ALOX5: variants seen among roughly 807,000 people sequenced by gnomAD.
The protein encoded by ALOX5 is polyunsaturated fatty acid 5-lipoxygenase.
A neutral mutation model predicts 87.9 loss-of-function variants in ALOX5; 64 were observed. The observed-to-expected ratio is 0.73, with a 90% confidence interval of 0.60 to 0.90. The LOEUF (loss-of-function observed/expected upper bound fraction) is 0.90, where lower values mean the gene tolerates loss of function less well. ALOX5 is among the 40% of genes least tolerant of loss of function. The probability of loss-of-function intolerance (pLI) is 0.00; values close to 1 mark genes in which losing one functional copy is unlikely to be tolerated. For synonymous variants in ALOX5, 388 were observed against 355.1 expected, an observed-to-expected ratio of 1.09 and a Z score of -1.04; for missense variants, 822 against 907.5, an observed-to-expected ratio of 0.91 and a Z score of 1.21.
intron 7 of ALOX5, 48 bp from the exon 8 acceptor site, chr10:45,440,378 TATAC>T: frequency 6.4e-7 from 1 of 1,574,580 alleles, no homozygotes; most frequent in African/African-American, 1.3e-5. Flanking sequence ...CTCCAACAAC[TATAC>T]TCTGAAGTGA....
intron 13 of ALOX5, 83 bp downstream of exon 13, chr10:45,444,369 C>A: frequency 1.4e-6 from 2 of 1,450,130 alleles, no homozygotes; most frequent in South Asian, 2.8e-5. Context: ...TGACTCGGGC[C>A]CCAAGGCTCA....
At chr10:45,421,697 GC>G (rs1316343133) in intron 4 of ALOX5, among the ~76,000 whole-genome samples, 1 of 152,248 alleles carries the variant, frequency 6.6e-6, no homozygotes, top group Non-Finnish European at 1.5e-5. Context: ...CTCCCTGGAA[GC>G]AAGCACCTGT....
chr10:45,398,884 G>A (rs905344741), intron 3 of ALOX5, among the ~76,000 whole-genome samples: 2 of 152,208 alleles, frequency 1.3e-5, no homozygotes, highest in Admixed American at 1.3e-4. Context: ...TGGCACAGCT[G>A]CTTGGGAAAC....
intron 6 of ALOX5, among the ~76,000 whole-genome samples, chr10:45,427,118 T>C (rs1425763650): frequency 6.6e-6 from 1 of 152,110 alleles, no homozygotes; most frequent in Non-Finnish European, 1.5e-5. Flanking sequence ...TTTCCAGAAA[T>C]ATGAAAGGGA....
intron 2 of ALOX5, among the ~76,000 whole-genome samples, chr10:45,395,461 T>TG (rs1002591559): frequency 2.1e-4 from 32 of 151,104 alleles, no homozygotes; most frequent in Admixed American, 1.1e-3. Context: ...TGTCATGGGG[T>TG]GGGGGTAAGG....
At chr10:45,388,665 A>G (rs1015990482) in intron 2 of ALOX5, among the ~76,000 whole-genome samples, 3 of 152,268 alleles carry the variant, frequency 2.0e-5, no homozygotes, top group African/African-American at 7.2e-5. Flanking sequence ...AACAGAAAGG[A>G]CATCCACACC....
intron 4 of ALOX5, among the ~76,000 whole-genome samples, chr10:45,421,868 T>C (rs7080977): frequency 0.05 from 7,621 of 152,298 alleles, 269 homozygotes; most frequent in African/African-American, 0.097. Context: ...CTGCCCAGGC[T>C]GTGCCATGGC....
chr10:45,434,033 GT>G (rs1841991609), intron 7 of ALOX5, among the ~76,000 whole-genome samples: 2 of 152,212 alleles, frequency 1.3e-5, no homozygotes, highest in South Asian at 2.1e-4. Flanking sequence ...TTACCCTCTT[GT>G]TTGTCAAGTT....
intron 3 of ALOX5, among the ~76,000 whole-genome samples, chr10:45,409,531 C>G (rs1217481350): frequency 1.3e-5 from 2 of 149,168 alleles, no homozygotes; most frequent in Non-Finnish European, 3.0e-5. Flanking sequence ...CTCTCTCTCT[C>G]TCTGTCTCTC....
intron 7 of ALOX5, among the ~76,000 whole-genome samples, chr10:45,432,434 A>G (rs2132829021): frequency 6.6e-6 from 1 of 152,252 alleles, no homozygotes; most frequent in African/African-American, 2.4e-5. Context: ...GTTACTGTTA[A>G]GCAGACACTG....
At chr10:45,417,836 A>G (rs1841350849) in intron 4 of ALOX5, among the ~76,000 whole-genome samples, 1 of 151,778 alleles carries the variant, frequency 6.6e-6, no homozygotes, top group African/African-American at 2.4e-5. Context: ...CCTTTGCCAC[A>G]CCCACCCTCC....
At chr10:45,443,638 C>T (rs1020437060) in intron 11 of ALOX5, 90 bp from the exon 12 acceptor site, 2 of 1,594,040 alleles carry the variant, frequency 1.3e-6, no homozygotes, top group Non-Finnish European at 1.7e-6. Flanking sequence ...TGCCCTCCGG[C>T]CTTGGGGCAG....
rs368879111 is a variant in ALOX5 at position 45,428,182 on chromosome 10, C to T, written c.835-436C>T. Among the ~76,000 whole-genome samples, 11 of 146,248 alleles carry T rather than the reference C, an allele frequency of 7.5e-5. No individual in the cohort carries two copies. In the East Asian group the frequency reaches 1.5e-3, roughly 20 times the overall value. On this transcript the variant is annotated intron_variant, in intron 6 of 13. Transcript: ENST00000374391. ...GACAGCCCCGCCTCGCTTCCTGTCT[C>T]TTCCTCCCAAGGGAGACCCCTGTCC...
intron 1 of ALOX5, among the ~76,000 whole-genome samples, chr10:45,381,624 A>G (rs938928969): frequency 6.6e-6 from 1 of 152,060 alleles, no homozygotes. Flanking sequence ...GCAGCTGCGG[A>G]CCCTCACTGG....
In ALOX5 at chr10:45,374,249, CCCG is replaced by C. The variant is rs1387956785; in HGVS notation, c.-30_-28del. ...ACACCTGGACCGCCGCGCCGAGGCT[CCCG>C]GCGCTCGCTGCTCCCGCGGCCCGCG... On this transcript the variant is annotated 5_prime_UTR_variant, in exon 1 of 14. Transcript: ENST00000374391. The C allele has an allele frequency of 2.8e-6, 4 of 1,453,504 alleles. No individual in the cohort carries two copies. The African/African-American group carries it at 5.9e-5, about 22-fold the overall frequency. 90.0% of individuals were successfully genotyped at this position (1,453,504 alleles called of 1,614,324 possible).
intron 7 of ALOX5, among the ~76,000 whole-genome samples, chr10:45,431,071 G>A (rs1055936756): frequency 1.3e-5 from 2 of 152,108 alleles, no homozygotes; most frequent in Non-Finnish European, 2.9e-5. Flanking sequence ...TATCAAGAGA[G>A]CTACCACCAT....
At chr10:45,431,934 G>A (rs1391174199) in intron 7 of ALOX5, among the ~76,000 whole-genome samples, 1 of 151,872 alleles carries the variant, frequency 6.6e-6, no homozygotes, top group Non-Finnish European at 1.5e-5. Flanking sequence ...TATTGGGGAG[G>A]AAACTGTAAA....
At position 45,412,497 on chromosome 10, in the gene ALOX5, TCTTA is replaced by T. The variant is rs1416633068; in HGVS notation, c.554+185_554+188del. ...ACGCACAATTGCAGGACAACCGGTA[TCTTA>T]AAAAAGGCATAACCAGAGGACTCCA... On this transcript the variant is annotated intron_variant, in intron 4 of 13. Coordinates refer to ENST00000374391, the MANE Select transcript of ALOX5 (RefSeq NM_000698.5). Among the ~76,000 whole-genome samples, 18 of 152,232 alleles carry T rather than the reference TCTTA, an allele frequency of 1.2e-4. No homozygotes were observed. In the East Asian group the frequency reaches 1.5e-3, roughly 13 times the overall value.
At chr10:45,427,384 C>T (rs1045227205) in intron 6 of ALOX5, among the ~76,000 whole-genome samples, 76 of 152,214 alleles carry the variant, frequency 5.0e-4, no homozygotes, top group African/African-American at 1.8e-3. Context: ...TGAGTGCCTC[C>T]GCGGGGATAG....
Sources: gnomAD v4.1 joint callset for allele counts (sites outside exome capture counted in the v4.1 genomes callset) on GRCh38, gnomAD v4.1.1 for gene constraint, MANE v1.5 for transcripts, NCBI Gene and HGNC (gene_info 2026-07-23, HGNC 2026-07-21) for gene names.